Variants in PARN observed in about 807,000 individuals in gnomAD.
PARN encodes the protein poly(A)-specific ribonuclease.
Under a neutral mutation model 102.8 loss-of-function variants are expected in PARN, and 71 were observed. That is an observed-to-expected ratio of 0.69 (90% CI 0.57 to 0.84). The LOEUF is 0.84. Ranked by LOEUF, PARN falls within the 40% of genes least tolerant of loss-of-function variation. The probability of loss-of-function intolerance (pLI) is 0.00; values close to 1 mark genes in which losing one functional copy is unlikely to be tolerated. For synonymous variants in PARN, 261 were observed against 252.9 expected (o/e 1.03, Z -0.30); for missense variants, 782 against 760.9 (o/e 1.03, Z -0.33).
chr16:14,479,122 T>A (rs1963237988), intron 22 of PARN, among the ~76,000 whole-genome samples: 1 of 152,102 alleles, frequency 6.6e-6, no homozygotes, highest in African/African-American at 2.4e-5. Context: ...AAATGACATT[T>A]AAGAAACAAT....
chr16:14,551,183 C>T (rs1054451458), intron 21 of PARN, among the ~76,000 whole-genome samples: 1 of 151,710 alleles, frequency 6.6e-6, no homozygotes, highest in Non-Finnish European at 1.5e-5. Flanking sequence ...CCGCCTGCCT[C>T]GGCCTCCCTA....
At chr16:14,603,213 C>T (rs995401156) in intron 11 of PARN, among the ~76,000 whole-genome samples, 5 of 152,136 alleles carry the variant, frequency 3.3e-5, no homozygotes, top group Non-Finnish European at 7.4e-5. Flanking sequence ...CAGTCATGAG[C>T]CATCACACCT....
At chr16:14,467,036 C>A (rs1024639984) in intron 22 of PARN, among the ~76,000 whole-genome samples, 5 of 152,142 alleles carry the variant, frequency 3.3e-5, no homozygotes, top group Non-Finnish European at 7.3e-5. Context: ...TTGTGCACCC[C>A]GCTTTTCCTG....
In PARN at chr16:14,593,431, G is replaced by A. The variant is rs768033147; in HGVS notation, c.841-53C>T. ...ACTTCTACATTCGAAATTATACTGG[G>A]GTTTCAGAATGTATAGTTCAGATTC... On this transcript the variant is annotated intron_variant, in intron 12 of 23. Coordinates refer to ENST00000437198, the MANE Select transcript of PARN (RefSeq NM_002582.4). The A allele has an allele frequency of 1.5e-5, 11 of 735,394 alleles. No homozygotes were observed. In the Middle Eastern group the frequency reaches 7.9e-4, roughly 53 times the overall value. The allele number at this position is 735,394 out of a possible 1,614,324, so 45.6% of individuals were successfully genotyped here.
At chr16:14,438,166 C>T (rs945691312) in intron 23 of PARN, among the ~76,000 whole-genome samples, 1 of 152,118 alleles carries the variant, frequency 6.6e-6, no homozygotes, top group Non-Finnish European at 1.5e-5. Flanking sequence ...CCTGTGATAA[C>T]CTGCAGCTAG....
intron 21 of PARN, among the ~76,000 whole-genome samples, chr16:14,495,424 A>G (rs1412065517): frequency 1.3e-5 from 2 of 152,152 alleles, no homozygotes; most frequent in African/African-American, 4.8e-5. Context: ...AGCTATGACC[A>G]CACCACTGCA....
intron 22 of PARN, among the ~76,000 whole-genome samples, chr16:14,474,932 C>T (rs1962956886): frequency 6.6e-6 from 1 of 152,242 alleles, no homozygotes; most frequent in South Asian, 2.1e-4. Context: ...TCCTCACCTT[C>T]TAATGTAATA....
intron 10 of PARN, among the ~76,000 whole-genome samples, chr16:14,606,159 C>T (rs1458339943): frequency 1.3e-5 from 2 of 152,088 alleles, no homozygotes; most frequent in African/African-American, 2.4e-5. Flanking sequence ...CAGCACTCTG[C>T]GAGGCCGAGG....
At chr16:14,436,845 G>T in intron 23 of PARN, 73 bp from the exon 24 acceptor site, 3 of 1,114,002 alleles carry the variant, frequency 2.7e-6, no homozygotes, top group Non-Finnish European at 4.0e-6. Flanking sequence ...GACATGACCA[G>T]CAGACAGACA....
intron 21 of PARN, among the ~76,000 whole-genome samples, chr16:14,546,300 A>T (rs942547789): frequency 1.3e-5 from 2 of 152,232 alleles, no homozygotes; most frequent in African/African-American, 4.8e-5. Context: ...TTAAAAACAC[A>T]ATTTAACATA....
intron 21 of PARN, among the ~76,000 whole-genome samples, chr16:14,535,299 C>T (rs1468455999): frequency 6.6e-6 from 1 of 152,178 alleles, no homozygotes; most frequent in Non-Finnish European, 1.5e-5. Context: ...CTCCAGTGGT[C>T]TAGCATTTGC....
chr16:14,476,543 T>TG (rs1287545860), intron 22 of PARN, among the ~76,000 whole-genome samples: 3 of 152,110 alleles, frequency 2.0e-5, no homozygotes, highest in African/African-American at 4.8e-5. Context: ...TGTAAATGAA[T>TG]GGGGGGCTGG....
chr16:14,545,059 G>C (rs1042085715), intron 21 of PARN, among the ~76,000 whole-genome samples: 1 of 151,962 alleles, frequency 6.6e-6, no homozygotes, highest in African/African-American at 2.4e-5. Flanking sequence ...ATCCTAGCGT[G>C]TGTCTGCAGT....
intron 21 of PARN, among the ~76,000 whole-genome samples, chr16:14,486,788 T>G (rs1361834864): frequency 6.6e-6 from 1 of 152,222 alleles, no homozygotes; most frequent in Non-Finnish European, 1.5e-5. Context: ...CTGTCAACTG[T>G]GTCCTCCAGC....
intron 18 of PARN, among the ~76,000 whole-genome samples, chr16:14,561,117 G>T (rs1019272555): frequency 3.4e-5 from 5 of 147,384 alleles, no homozygotes; most frequent in Non-Finnish European, 3.0e-5. Flanking sequence ...AGATTGCACT[G>T]CTGCACTCCA....
chr16:14,516,914 G>A (rs1446303762), intron 21 of PARN, among the ~76,000 whole-genome samples: 1 of 152,150 alleles, frequency 6.6e-6, no homozygotes. Flanking sequence ...AATGAAGAGG[G>A]CACACAAGAA....
At chr16:14,475,377 G>C (rs546962868) in intron 22 of PARN, among the ~76,000 whole-genome samples, 3 of 152,222 alleles carry the variant, frequency 2.0e-5, no homozygotes, top group African/African-American at 7.2e-5. Context: ...CACTGTAGAG[G>C]AGTATTCTCC....
chr16:14,462,831 CAAAAGAATCAGACA>C (rs1424726204), intron 22 of PARN, among the ~76,000 whole-genome samples: 2 of 152,096 alleles, frequency 1.3e-5, no homozygotes, highest in Admixed American at 6.6e-5. Flanking sequence ...CCAAAACAAC[CAAAAGAATCAGACA>C]AAATACATGA....
chr16:14,464,581 C>A (rs1435871137), intron 22 of PARN, among the ~76,000 whole-genome samples: 3 of 151,982 alleles, frequency 2.0e-5, no homozygotes, highest in African/African-American at 4.8e-5. Context: ...CATGGCAAAA[C>A]CCCATCTCTA....
Sources: gnomAD v4.1 joint callset for allele counts (sites outside exome capture counted in the v4.1 genomes callset) on GRCh38, gnomAD v4.1.1 for gene constraint, MANE v1.5 for transcripts, NCBI Gene and HGNC (gene_info 2026-07-23, HGNC 2026-07-21) for gene names.